CFAP299: variants seen among roughly 807,000 people sequenced by gnomAD.
The protein encoded by CFAP299 is cilia- and flagella-associated protein 299.
Under a neutral mutation model 27.0 loss-of-function variants are expected in CFAP299, and 21 were observed. That is an observed-to-expected ratio of 0.78 (90% CI 0.55 to 1.12). The LOEUF is 1.12. Among genes scored for constraint, CFAP299 ranks in the 50% most tolerant of loss-of-function variants. The pLI, the probability that CFAP299 is intolerant of heterozygous loss-of-function variation, is 0.00. For synonymous variants in CFAP299, 104 were observed against 98.1 expected, an observed-to-expected ratio of 1.06 and a Z score of -0.36; for missense variants, 310 against 276.6, an observed-to-expected ratio of 1.12 and a Z score of -0.86.
chr4:80,825,147 T>C (rs1026102998), intron 3 of CFAP299, among the ~76,000 whole-genome samples: 3 of 151,504 alleles, frequency 2.0e-5, no homozygotes, highest in Non-Finnish European at 4.4e-5. Context: ...CTAGAGAGCC[T>C]AAAAGGCAAA....
In CFAP299 at chr4:80,850,248, G is replaced by T. The variant is rs1476998604; in HGVS notation, c.334-19745G>T. Reference sequence around the variant, plus strand: ...GGCGGTGGGGGGGGTGATAAAAGGAGAAAAAGTTTAGGAATGGTTTGAGAG... The same window carrying T: ...GGCGGTGGGGGGGGTGATAAAAGGATAAAAAGTTTAGGAATGGTTTGAGAG... On this transcript the variant is annotated intron_variant, in intron 3 of 5. Coordinates refer to ENST00000358105, the MANE Select transcript of CFAP299 (RefSeq NM_152770.3). Among the ~76,000 whole-genome samples the T allele has an allele frequency of 5.3e-5, 8 of 151,686 alleles. No homozygotes were observed. The South Asian group carries it at 6.2e-4, about 12-fold the overall frequency.
chr4:80,708,694 A>T (rs1721963045), intron 3 of CFAP299, among the ~76,000 whole-genome samples: 1 of 152,106 alleles, frequency 6.6e-6, no homozygotes, highest in South Asian at 2.1e-4. Flanking sequence ...CAATTTTCAG[A>T]GTTGTTATAC....
At chr4:80,493,574 G>C (rs1005247275) in intron 2 of CFAP299, among the ~76,000 whole-genome samples, 2 of 152,022 alleles carry the variant, frequency 1.3e-5, no homozygotes, top group Non-Finnish European at 2.9e-5. Flanking sequence ...AATCGAAAAA[G>C]GTTGCTTTAT....
Position 80,852,850 on chromosome 4 carries a change from A to G in CFAP299, c.334-17143A>G, listed in dbSNP as rs926554366. Among the ~76,000 whole-genome samples, 5 of 152,126 alleles carry G rather than the reference A, an allele frequency of 3.3e-5. No homozygotes were observed. In the East Asian group the frequency reaches 9.6e-4, roughly 29 times the overall value. ...GTTATTCTATTCTATTCCTTTTGAT[A>G]GATGCATATTAGGAATATCATCAAT... On this transcript the variant is annotated intron_variant, in intron 3 of 5. Coordinates refer to ENST00000358105, the MANE Select transcript of CFAP299 (RefSeq NM_152770.3).
At chr4:80,953,579 C>G (rs941065565) in intron 5 of CFAP299, among the ~76,000 whole-genome samples, 1 of 152,052 alleles carries the variant, frequency 6.6e-6, no homozygotes, top group Non-Finnish European at 1.5e-5. Flanking sequence ...ACTTAAATGT[C>G]ATGTCCTCCA....
In CFAP299 at chr4:80,612,411, T is replaced by G. The variant is rs114847110; in HGVS notation, c.333+29228T>G. On this transcript the variant is annotated intron_variant, in intron 3 of 5. Transcript: ENST00000358105. ...TTACACATTTATCATTAGAGTTTTT[T>G]TCTATCAAATGGGTTCTGACATATT... Among the ~76,000 whole-genome samples the G allele has an allele frequency of 6.8e-3, 1,033 of 152,232 alleles. 17 individuals carry two copies. The highest frequency in any genetic ancestry group is 0.024 in the African/African-American group (992 of 41,552).
intron 2 of CFAP299, among the ~76,000 whole-genome samples, chr4:80,375,371 C>T (rs961876701): frequency 9.2e-5 from 14 of 152,150 alleles, no homozygotes; most frequent in Non-Finnish European, 2.1e-4. Context: ...AGGGCATTCC[C>T]CTTGAATGGC....
intron 5 of CFAP299, among the ~76,000 whole-genome samples, chr4:80,950,258 C>CG (rs1217683663): frequency 2.0e-5 from 3 of 151,646 alleles, no homozygotes; most frequent in South Asian, 4.2e-4. Context: ...CCTCCACCCC[C>CG]CCCCTTTCTC....
intron 2 of CFAP299, among the ~76,000 whole-genome samples, chr4:80,381,385 T>TAAAA (rs1167375951): frequency 1.0e-3 from 1 of 962 alleles, no homozygotes; most frequent in East Asian, 0.5. Context: ...TATACATTTT[T>TAAAA]TTTTTTTTTT....
chr4:80,759,563 C>T (rs976887842), intron 3 of CFAP299, among the ~76,000 whole-genome samples: 1 of 152,106 alleles, frequency 6.6e-6, no homozygotes, highest in Non-Finnish European at 1.5e-5. Context: ...ACCATTCTCA[C>T]CTATGTTAAG....
intron 3 of CFAP299, among the ~76,000 whole-genome samples, chr4:80,711,296 C>T (rs190431589): frequency 1.3e-5 from 2 of 152,230 alleles, no homozygotes; most frequent in East Asian, 3.9e-4. Context: ...TGTGAGAGAG[C>T]TAGTGTGGGT....
At chr4:80,547,130 T>C (rs1287362940) in intron 2 of CFAP299, among the ~76,000 whole-genome samples, 3 of 152,176 alleles carry the variant, frequency 2.0e-5, no homozygotes, top group Middle Eastern at 3.4e-3. Flanking sequence ...CTTCAAACTA[T>C]AGTACAAGGC....
the CFAP299 span, among the ~76,000 whole-genome samples, chr4:80,323,818 CAGTT>C: frequency 3.3e-5 from 5 of 152,190 alleles, no homozygotes; most frequent in South Asian, 2.1e-4. Flanking sequence ...TTTAAATTAA[CAGTT>C]AGATTTCCAT....
intron 4 of CFAP299, among the ~76,000 whole-genome samples, chr4:80,881,631 A>G (rs1299562742): frequency 1.3e-5 from 2 of 152,200 alleles, no homozygotes; most frequent in Non-Finnish European, 2.9e-5. Flanking sequence ...CTAGTACATA[A>G]AGCTTGGAAG....
chr4:80,576,742 T>G (rs1735886025), intron 2 of CFAP299, among the ~76,000 whole-genome samples: 1 of 152,182 alleles, frequency 6.6e-6, no homozygotes, highest in South Asian at 2.1e-4. Context: ...CCAAACTAAG[T>G]ATACAACACA....
At chr4:80,356,231 G>A (rs1296751998) in intron 1 of CFAP299, among the ~76,000 whole-genome samples, 11 of 151,900 alleles carry the variant, frequency 7.2e-5, no homozygotes, top group East Asian at 1.9e-4. Flanking sequence ...ATGCTGTTTC[G>A]GTTACTGTAG....
At chr4:80,556,404 T>C (rs1734785471) in intron 2 of CFAP299, among the ~76,000 whole-genome samples, 1 of 152,066 alleles carries the variant, frequency 6.6e-6, no homozygotes, top group Non-Finnish European at 1.5e-5. Context: ...CATACAACAA[T>C]TTAACACAAT....
chr4:80,953,069 C>T (rs1360193551), intron 5 of CFAP299, among the ~76,000 whole-genome samples: 2 of 152,116 alleles, frequency 1.3e-5, no homozygotes, highest in African/African-American at 4.8e-5. Context: ...TATATATAAT[C>T]CCTTTTGAAA....
intron 2 of CFAP299, chr4:80,386,282 C>T: frequency 8.1e-7 from 1 of 1,240,464 alleles, no homozygotes; most frequent in Non-Finnish European, 1.2e-6. Flanking sequence ...AGCCCCTCAG[C>T]TGTCCAGGTA....
Sources: gnomAD v4.1 joint callset for allele counts (sites outside exome capture counted in the v4.1 genomes callset) on GRCh38, gnomAD v4.1.1 for gene constraint, MANE v1.5 for transcripts, NCBI Gene and HGNC (gene_info 2026-07-23, HGNC 2026-07-21) for gene names.